DPP10: variants seen among roughly 807,000 people sequenced by gnomAD.
The protein encoded by DPP10 is dipeptidyl peptidase like 10.
A neutral mutation model predicts 120.9 loss-of-function variants in DPP10; 33 were observed. The ratio of observed to expected loss-of-function variants is 0.27; its 90% CI spans 0.21 to 0.37. DPP10 has a LOEUF of 0.37. Among genes scored for constraint, DPP10 ranks in the 10% least tolerant of loss-of-function variants. The pLI is 1.00. For synonymous variants in DPP10, 337 were observed against 326.1 expected (o/e 1.03, Z -0.36); for missense variants, 816 against 942.8 (o/e 0.87, Z 1.76).
At chr2:115,761,003 A>C (rs192038355) in intron 11 of DPP10, among the ~76,000 whole-genome samples, 4,565 of 151,234 alleles carry the variant, frequency 0.03, 115 homozygotes, top group Non-Finnish European at 0.044. Context: ...ATGCTGAGGC[A>C]GGAGAATTGC....
chr2:114,580,465 G>A (rs1003616685), intron 1 of DPP10, among the ~76,000 whole-genome samples: 9 of 152,330 alleles, frequency 5.9e-5, no homozygotes, highest in African/African-American at 2.2e-4. Flanking sequence ...TCTAGATCAA[G>A]GCCAAGAGAG....
At chr2:114,889,351 G>A (rs1438119481) in intron 1 of DPP10, among the ~76,000 whole-genome samples, 1 of 152,002 alleles carries the variant, frequency 6.6e-6, no homozygotes, top group Non-Finnish European at 1.5e-5. Flanking sequence ...GTAATCTTCA[G>A]ATTCAGATCT....
intron 1 of DPP10, among the ~76,000 whole-genome samples, chr2:115,052,620 G>A (rs917174613): frequency 1.3e-5 from 2 of 152,140 alleles, no homozygotes; most frequent in African/African-American, 4.8e-5. Context: ...CAAAACCACA[G>A]TGAGATACCA....
At chr2:114,881,884 A>G (rs993636582) in intron 1 of DPP10, among the ~76,000 whole-genome samples, 1 of 152,126 alleles carries the variant, frequency 6.6e-6, no homozygotes, top group Non-Finnish European at 1.5e-5. Flanking sequence ...GTATATGCTG[A>G]GAGCAAATAA....
chr2:115,434,395 C>T (rs1177199381), intron 3 of DPP10, among the ~76,000 whole-genome samples: 2 of 151,898 alleles, frequency 1.3e-5, no homozygotes, highest in Admixed American at 6.6e-5. Context: ...CCTGGCAATA[C>T]TTGGATGAAT....
intron 7 of DPP10, among the ~76,000 whole-genome samples, chr2:115,703,668 A>T (rs927842827): frequency 6.6e-6 from 1 of 152,006 alleles, no homozygotes; most frequent in East Asian, 1.9e-4. Context: ...ATTATTGAGA[A>T]TATTCTTCTA....
In DPP10 at chr2:114,472,144, AT is replaced by A. The variant is rs1679973837; in HGVS notation, c.60+29307del. 2.0e-5 allele frequency among the ~76,000 whole-genome samples: 3 copies of A among 152,338 alleles called. No homozygotes were observed. In the South Asian group the frequency reaches 6.2e-4, roughly 32 times the overall value. On this transcript the variant is annotated intron_variant, in intron 1 of 25. Coordinates refer to ENST00000410059, the MANE Select transcript of DPP10 (RefSeq NM_020868.6). ...AGAGATTGGTCCATGTGATTAGGCT[AT>A]CTGGGTTTGCTAACTAGTGTTCACC...
intron 1 of DPP10, among the ~76,000 whole-genome samples, chr2:114,819,758 C>T (rs1478253462): frequency 6.6e-6 from 1 of 152,092 alleles, no homozygotes; most frequent in African/African-American, 2.4e-5. Context: ...TAACCAATTC[C>T]CCATTGCTCT....
intron 1 of DPP10, among the ~76,000 whole-genome samples, chr2:114,911,073 C>T (rs1317837014): frequency 1.3e-5 from 2 of 152,120 alleles, no homozygotes; most frequent in East Asian, 3.9e-4. Flanking sequence ...TCTCTTTATT[C>T]CTTCACGTGA....
chr2:114,889,079 G>A (rs1692325304), intron 1 of DPP10, among the ~76,000 whole-genome samples: 1 of 152,148 alleles, frequency 6.6e-6, no homozygotes, highest in South Asian at 2.1e-4. Flanking sequence ...GAGATCATGT[G>A]AAAACACTAG....
intron 1 of DPP10, among the ~76,000 whole-genome samples, chr2:114,514,770 G>T (rs1346761): frequency 0.66 from 96,679 of 147,586 alleles, 31,434 homozygotes; most frequent in Admixed American, 0.76. Flanking sequence ...TTTTTTTCTG[G>T]TTTTTTTTTT....
At chr2:115,643,003 C>G (rs11900183) in intron 5 of DPP10, among the ~76,000 whole-genome samples, 1,679 of 151,964 alleles carry the variant, frequency 0.011, 27 homozygotes, top group African/African-American at 0.039. Flanking sequence ...TTCTAAGAAA[C>G]AGAAGATGGT....
intron 3 of DPP10, among the ~76,000 whole-genome samples, chr2:115,351,509 C>G (rs920458965): frequency 6.6e-6 from 1 of 151,956 alleles, no homozygotes; most frequent in African/African-American, 2.4e-5. Context: ...CACATATACC[C>G]CCAAATCTAA....
At chr2:115,749,637 T>G (rs1489654539) in intron 10 of DPP10, among the ~76,000 whole-genome samples, 1 of 152,216 alleles carries the variant, frequency 6.6e-6, no homozygotes, top group African/African-American at 2.4e-5. Flanking sequence ...ATAACCCTTC[T>G]GACAAGTAAT....
intron 1 of DPP10, among the ~76,000 whole-genome samples, chr2:114,697,319 G>C (rs1460639407): frequency 6.6e-6 from 1 of 152,056 alleles, no homozygotes; most frequent in Admixed American, 6.6e-5. Flanking sequence ...GATGGGAAAG[G>C]AAATTTAATG....
intron 1 of DPP10, among the ~76,000 whole-genome samples, chr2:114,869,801 C>T (rs1006510295): frequency 4.6e-5 from 7 of 152,164 alleles, no homozygotes; most frequent in African/African-American, 1.7e-4. Context: ...GCAACAAACA[C>T]GTATGCCACA....
chr2:115,650,868 G>A (rs1484935968), intron 5 of DPP10, among the ~76,000 whole-genome samples: 1 of 151,730 alleles, frequency 6.6e-6, no homozygotes, highest in African/African-American at 2.4e-5. Context: ...AGAAATGAGA[G>A]GAAAGAAATG....
At chr2:115,559,058 T>C (rs964288308) in intron 5 of DPP10, among the ~76,000 whole-genome samples, 4 of 152,346 alleles carry the variant, frequency 2.6e-5, no homozygotes, top group African/African-American at 7.2e-5. Flanking sequence ...AGGAAATCAT[T>C]ACAGCATATC....
chr2:114,543,500 C>A (rs888431894), intron 1 of DPP10, among the ~76,000 whole-genome samples: 1 of 152,178 alleles, frequency 6.6e-6, no homozygotes, highest in East Asian at 1.9e-4. Context: ...TCCTTTCCTG[C>A]GAATGCTTCA....
Sources: gnomAD v4.1 joint callset for allele counts (sites outside exome capture counted in the v4.1 genomes callset) on GRCh38, gnomAD v4.1.1 for gene constraint, MANE v1.5 for transcripts, NCBI Gene and HGNC (gene_info 2026-07-23, HGNC 2026-07-21) for gene names.